Variants in SECISBP2L observed in about 807,000 individuals in gnomAD.
SECISBP2L encodes SECIS binding protein 2 like.
In SECISBP2L, 43 loss-of-function variants were observed where a neutral mutation model predicts 114.7. The ratio of observed to expected loss-of-function variants is 0.38; its 90% CI spans 0.29 to 0.48. The LOEUF (loss-of-function observed/expected upper bound fraction) is 0.48. Among genes scored for constraint, SECISBP2L ranks in the 20% least tolerant of loss-of-function variants. SECISBP2L has a pLI of 0.98. For missense variants in SECISBP2L, 1,136 were observed against 1,301.1 expected, an observed-to-expected ratio of 0.87 and a Z score of 1.95; for synonymous variants, 451 against 439.7, an observed-to-expected ratio of 1.03 and a Z score of -0.32.
intron 2 of SECISBP2L, chr15:49,037,272 CAAAAAAAAAAAAAAAAAAA>C (rs147547008): frequency 7.9e-5 from 6 of 75,988 alleles, no homozygotes; most frequent in Non-Finnish European, 1.3e-4. Flanking sequence ...TGTTCAATCT[CAAAAAAAAAAAAAAAAAAA>C]AAAAAAAAAA....
At chr15:49,020,102 G>A (rs1253596120) in intron 7 of SECISBP2L, among the ~76,000 whole-genome samples, 1 of 152,236 alleles carries the variant, frequency 6.6e-6, no homozygotes, top group Non-Finnish European at 1.5e-5. Context: ...GGGTCCTTGT[G>A]ATGATGGATC....
chr15:49,033,636 G>A (rs1595795316), intron 3 of SECISBP2L, among the ~76,000 whole-genome samples: 1 of 151,876 alleles, frequency 6.6e-6, no homozygotes, highest in East Asian at 1.9e-4. Context: ...CAGGAGTTTG[G>A]GACCAGCCTG....
chr15:49,008,341 C>T (rs1421249816), intron 14 of SECISBP2L, among the ~76,000 whole-genome samples: 4 of 152,188 alleles, frequency 2.6e-5, no homozygotes, highest in Non-Finnish European at 5.9e-5. Flanking sequence ...GATTGAGGAA[C>T]ATTTAACTGT....
At chr15:48,997,932 T>C (rs561242733) in intron 16 of SECISBP2L, among the ~76,000 whole-genome samples, 2 of 152,186 alleles carry the variant, frequency 1.3e-5, no homozygotes, top group Non-Finnish European at 2.9e-5. Flanking sequence ...ATAACCATGA[T>C]ACCGAATGAT....
chr15:48,992,282 CTT>C lies in SECISBP2L; in HGVS notation c.3266_3267del (p.Lys1089ArgfsTer4). ...QKSSNCSSLN[K>X]EHSDSNYTTQ... ...GTTGTGTAATTAGAATCAGAGTGCT[CTT>C]TGTTGAGCGAGCTGCAGTTGCTGGA... On this transcript the variant is annotated frameshift_variant, in exon 18 of 18. Transcript: ENST00000559471. LOFTEE classifies it low-confidence loss of function (END_TRUNC). The C allele has an allele frequency of 3.7e-6, 6 of 1,612,070 alleles. No homozygotes were observed. The highest frequency in any genetic ancestry group is 4.2e-6 in the Non-Finnish European group (5 of 1,179,346).
At chr15:48,997,793 C>T (rs577928728) in intron 16 of SECISBP2L, among the ~76,000 whole-genome samples, 1 of 152,172 alleles carries the variant, frequency 6.6e-6, no homozygotes, top group South Asian at 2.1e-4. Context: ...CACTTGAAAC[C>T]GGGAGGTGGA....
At chr15:49,000,336 T>G (rs1902175943) in intron 15 of SECISBP2L, among the ~76,000 whole-genome samples, 1 of 152,198 alleles carries the variant, frequency 6.6e-6, no homozygotes. Flanking sequence ...CAAGAAAAGA[T>G]CTCTCACAAT....
chr15:48,995,985 G>A, intron 17 of SECISBP2L: 1 of 191,588 alleles, frequency 5.2e-6, no homozygotes, highest in Admixed American at 5.4e-5. Flanking sequence ...ATAACTGACT[G>A]TGAACAAATT....
At chr15:48,998,362 TTTA>T (rs1482810287) in intron 16 of SECISBP2L, among the ~76,000 whole-genome samples, 2 of 152,176 alleles carry the variant, frequency 1.3e-5, no homozygotes, top group Non-Finnish European at 2.9e-5. Context: ...ATAATCAGGA[TTTA>T]TTATTTTTAA....
At position 48,992,603 on chromosome 15, in the gene SECISBP2L, G is replaced by T; in HGVS notation, c.2947C>A (p.Leu983Ile). 6.2e-7 allele frequency: 1 copy of T among 1,614,134 alleles called. No homozygotes were observed. Among genetic ancestry groups the T allele is most frequent in the Non-Finnish European group, 8.5e-7 (1 of 1,180,042 alleles). Reference sequence around the variant, plus strand: ...TCTTCTTCAAGCATGCCAGGTACAAGAGTGCTGGTGGTGCTGGTGATGGAG... The same window carrying T: ...TCTTCTTCAAGCATGCCAGGTACAATAGTGCTGGTGGTGCTGGTGATGGAG... ...NSSITSTTST[L>I]VPGMLEEEED... The change falls in exon 18 of 18, where the codon CTT (leucine) becomes ATT (isoleucine). Residue 983 changes from leucine (L) to isoleucine (I), a missense_variant. By Grantham distance (5) the Leu-to-Ile change is conservative. This residue lies in a region of SECISBP2L where 684 missense variants were observed against 848.7 expected (regional missense o/e 0.81). Transcript: ENST00000559471.
chr15:49,002,804 C>T (rs1489349071), intron 14 of SECISBP2L, among the ~76,000 whole-genome samples: 2 of 152,090 alleles, frequency 1.3e-5, no homozygotes, highest in East Asian at 1.9e-4. Context: ...TCTCTTCCAT[C>T]GGTCTATGTA....
chr15:49,001,187 A>C, intron 14 of SECISBP2L, 90 bp from the exon 15 acceptor site: 1 of 794,144 alleles, frequency 1.3e-6, no homozygotes, highest in South Asian at 2.0e-5. Context: ...CTAAGAGAAA[A>C]TATATATGGT....
intron 8 of SECISBP2L, 126 bp from the exon 9 acceptor site, chr15:49,017,754 G>T: frequency 6.7e-6 from 4 of 601,446 alleles, no homozygotes; most frequent in South Asian, 2.5e-5. Flanking sequence ...ATTCAAAGTC[G>T]GTCTTAAAGA....
chr15:49,016,534 C>G (rs774874590), intron 11 of SECISBP2L, 26 bp downstream of exon 11: 3 of 1,565,370 alleles, frequency 1.9e-6, no homozygotes, highest in Non-Finnish European at 2.6e-6. Flanking sequence ...AGACAAACAG[C>G]AAATTGCTCA....
At chr15:49,012,952 A>G (rs1902466683) in intron 11 of SECISBP2L, 135 bp from the exon 12 acceptor site, 2 of 779,232 alleles carry the variant, frequency 2.6e-6, no homozygotes, top group East Asian at 2.7e-5. Context: ...AGCACTATAC[A>G]TGGCTAGGCA....
chr15:49,043,995 C>T (rs753597546), intron 1 of SECISBP2L, among the ~76,000 whole-genome samples: 1 of 151,132 alleles, frequency 6.6e-6, no homozygotes, highest in Non-Finnish European at 1.5e-5. Flanking sequence ...TTGTAAAGTA[C>T]ACAAGGATTT....
chr15:49,041,429 GT>G (rs1903129059), intron 1 of SECISBP2L, among the ~76,000 whole-genome samples: 1 of 152,184 alleles, frequency 6.6e-6, no homozygotes, highest in Admixed American at 6.5e-5. Context: ...ATTTAAAAGA[GT>G]TTATTAGACA....
intron 1 of SECISBP2L, among the ~76,000 whole-genome samples, chr15:49,038,029 A>T (rs966433623): frequency 6.6e-6 from 1 of 152,198 alleles, no homozygotes; most frequent in African/African-American, 2.4e-5. Context: ...AACAATCAAG[A>T]GAACACAGAA....
At chr15:49,000,753 T>C in intron 15 of SECISBP2L, 124 bp downstream of exon 15, 1 of 727,892 alleles carries the variant, frequency 1.4e-6, no homozygotes, top group Non-Finnish European at 2.2e-6. Context: ...CATTTTCTTT[T>C]CTCATGCTCC....
Sources: allele counts gnomAD v4.1 joint callset (sites outside exome capture counted in the v4.1 genomes callset), GRCh38; gene constraint gnomAD v4.1.1; regional missense constraint gnomAD v4.1.1; transcripts MANE v1.5; gene names NCBI Gene and HGNC (gene_info 2026-07-23, HGNC 2026-07-21).